KDM5A: variants seen among roughly 807,000 people sequenced by gnomAD.
KDM5A encodes the protein lysine-specific demethylase 5A.
In KDM5A, 42 loss-of-function variants were observed where a neutral mutation model predicts 193.5. The ratio of observed to expected loss-of-function variants is 0.22; its 90% CI spans 0.17 to 0.28. KDM5A has a LOEUF of 0.28. KDM5A is among the 10% of genes least tolerant of loss of function. The pLI, the probability that KDM5A is intolerant of heterozygous loss-of-function variation, is 1.00. For synonymous variants in KDM5A, 796 were observed against 718.1 expected, an observed-to-expected ratio of 1.11 and a Z score of -1.73; for missense variants, 1,692 against 2,055.1, an observed-to-expected ratio of 0.82 and a Z score of 3.42.
intron 5 of KDM5A, among the ~76,000 whole-genome samples, chr12:357,523 A>T (rs551210505): frequency 1.3e-5 from 2 of 151,786 alleles, no homozygotes; most frequent in Admixed American, 1.3e-4. Flanking sequence ...AGAGGAAAGC[A>T]TCTTAAAGAA....
chr12:343,466 C>A (rs957840511), intron 10 of KDM5A, among the ~76,000 whole-genome samples: 3 of 152,208 alleles, frequency 2.0e-5, no homozygotes, highest in African/African-American at 7.2e-5. Context: ...CGAGTAGGTC[C>A]CTGACCCTCA....
rs1943156399 is a variant in KDM5A at position 281,775 on chromosome 12, T to A, written c.*3681A>T. The A allele has an allele frequency of 4.3e-6, 1 of 234,006 alleles. No homozygotes were observed. The highest frequency in any genetic ancestry group is 8.4e-6 in the Non-Finnish European group (1 of 118,500). 14.5% of individuals were successfully genotyped at this position (234,006 alleles called of 1,614,324 possible). On this transcript the variant is annotated 3_prime_UTR_variant, in exon 28 of 28. Transcript: ENST00000399788. ...AAGACAGGTCTTCTCAGTTTTTCTGTTCATCCTCCTACTGTAAGTACTGGC... is the reference window on the plus strand; with the variant it reads ...AAGACAGGTCTTCTCAGTTTTTCTGATCATCCTCCTACTGTAAGTACTGGC...
intron 14 of KDM5A, among the ~76,000 whole-genome samples, chr12:326,666 C>T (rs1363308709): frequency 1.3e-5 from 2 of 152,020 alleles, no homozygotes; most frequent in East Asian, 3.8e-4. Context: ...TCGAGACCAT[C>T]CTGGCTAACA....
chr12:292,080 T>G (rs1436526419), intron 27 of KDM5A, among the ~76,000 whole-genome samples: 1 of 152,098 alleles, frequency 6.6e-6, no homozygotes, highest in Non-Finnish European at 1.5e-5. Context: ...TTTTTTGTAT[T>G]TTTAGTAGAG....
At chr12:337,128 C>T (rs1249322986) in intron 10 of KDM5A, among the ~76,000 whole-genome samples, 2 of 152,136 alleles carry the variant, frequency 1.3e-5, no homozygotes, top group African/African-American at 4.8e-5. Context: ...GGGCAACTCC[C>T]GCTTCTCTCT....
rs541136053 is a variant in KDM5A at position 284,600 on chromosome 12, T to G, written c.*856A>C. 2 of 232,948 alleles carry G rather than the reference T, an allele frequency of 8.6e-6. No individual in the cohort carries two copies. The highest frequency in any genetic ancestry group is 1.1e-4 in the Admixed American group (2 of 17,772). 14.4% of individuals were successfully genotyped at this position (232,948 alleles called of 1,614,324 possible). ...AAAAGCATGCATCACTGTGGCTCAGTAAGATAGTACGACTGGTCATCATCG... is the reference window on the plus strand; with the variant it reads ...AAAAGCATGCATCACTGTGGCTCAGGAAGATAGTACGACTGGTCATCATCG... On this transcript the variant is annotated 3_prime_UTR_variant, in exon 28 of 28. Transcript: ENST00000399788.
At chr12:373,523 A>G (rs1944459840) in intron 3 of KDM5A, among the ~76,000 whole-genome samples, 1 of 152,154 alleles carries the variant, frequency 6.6e-6, no homozygotes. Context: ...ATCTTTTCAA[A>G]AAACCAGCTC....
chr12:389,123 TG>T lies in KDM5A; in HGVS notation c.-33del. 2.0e-6 allele frequency: 3 copies of T among 1,489,810 alleles called. No individual in the cohort carries two copies. Among genetic ancestry groups the T allele is most frequent in the Non-Finnish European group, 2.7e-6 (3 of 1,109,924 alleles). 92.3% of individuals were successfully genotyped at this position (1,489,810 alleles called of 1,614,324 possible). A position where few individuals can be genotyped will look rare whatever the true frequency, so the allele number is the denominator to read the frequency against. On this transcript the variant is annotated 5_prime_UTR_variant, in exon 1 of 28. Transcript: ENST00000399788. ...GGCCGGGGGGGGGGGGGGGTCCCCGTGGGGAACCGGTGGAGAAAAGCTGGCT... is the reference window on the plus strand; with the variant it reads ...GGCCGGGGGGGGGGGGGGGTCCCCGTGGGAACCGGTGGAGAAAAGCTGGCT...
chr12:318,558 ACT>A, intron 18 of KDM5A, 97 bp from the exon 19 acceptor site: 1 of 837,034 alleles, frequency 1.2e-6, no homozygotes, highest in Admixed American at 1.9e-5. Flanking sequence ...TCAATTCTAG[ACT>A]CTTATAATCT....
intron 17 of KDM5A, 144 bp downstream of exon 17, chr12:322,273 A>C: frequency 1.4e-6 from 1 of 703,746 alleles, no homozygotes; most frequent in East Asian, 2.7e-5. Context: ...GTAGGAGATA[A>C]AACTGGAGCA....
intron 8 of KDM5A, 35 bp downstream of exon 8, chr12:354,041 A>G (rs1164592999): frequency 1.5e-5 from 24 of 1,549,038 alleles, no homozygotes; most frequent in Middle Eastern, 1.7e-4. Flanking sequence ...TATTATTTTT[A>G]GTTAAAAAAG....
rs200231185 is a variant in KDM5A, at chr12:388,975, G to A, written c.117C>T (p.Ile39=). 1,792 of 1,614,220 alleles carry A rather than the reference G, an allele frequency of 1.1e-3. 24 individuals carry two copies. Among genetic ancestry groups the A allele is most frequent in the South Asian group, 1.3e-4 (12 of 91,082 alleles). ...TGCCGGTTTTCTCCGCCAAAGGCCG[G>A]ATGCGGCCGATAAAGCTGAGCGGAT... ...FTDPLSFIGR[I]RPLAEKTGIC... is the part of the protein sequence containing the mutation. The change falls in exon 1 of 28, where the codon ATC becomes ATT. Residue 39 remains isoleucine (I), a synonymous_variant. Coordinates refer to ENST00000399788, the MANE Select transcript of KDM5A (RefSeq NM_001042603.3).
At chr12:325,896 C>A (rs1005027549) in intron 14 of KDM5A, among the ~76,000 whole-genome samples, 21 of 152,118 alleles carry the variant, frequency 1.4e-4, no homozygotes, top group African/African-American at 4.6e-4. Flanking sequence ...CGCCTGTAAT[C>A]CCAGCTACCC....
chr12:357,575 A>G (rs1944242148), intron 5 of KDM5A, among the ~76,000 whole-genome samples: 1 of 151,656 alleles, frequency 6.6e-6, no homozygotes, highest in South Asian at 2.1e-4. Flanking sequence ...CATGCCTGTA[A>G]TCCCAGCACT....
In KDM5A at chr12:295,657, T is replaced by C. The variant is rs775500407; in HGVS notation, c.4371A>G (p.Val1457=). The part of the protein sequence containing the change: ...ELMMVGDLLE[V]SLDETQHIWR... ...ATATGTGTTGAGTCTCGTCCAGAGATACTTCCAGGAGATCTCCAACCATCA... is the reference window on the plus strand; with the variant it reads ...ATATGTGTTGAGTCTCGTCCAGAGACACTTCCAGGAGATCTCCAACCATCA... Residue 1457 remains valine (V), a synonymous_variant, in exon 26 of 28, where the codon GTA becomes GTG. Transcript: ENST00000399788. 17 of 1,614,098 alleles carry C rather than the reference T, an allele frequency of 1.1e-5. No homozygotes were observed. In the East Asian group the frequency reaches 3.8e-4, roughly 36 times the overall value.
intron 13 of KDM5A, among the ~76,000 whole-genome samples, chr12:329,790 T>C (rs1480802073): frequency 6.6e-6 from 1 of 152,002 alleles, no homozygotes; most frequent in Non-Finnish European, 1.5e-5. Flanking sequence ...ATTACAACAA[T>C]AGCTATGCCC....
intron 10 of KDM5A, among the ~76,000 whole-genome samples, chr12:340,708 A>G (rs941416705): frequency 1.3e-5 from 2 of 151,456 alleles, no homozygotes; most frequent in Non-Finnish European, 2.9e-5. Context: ...AAAAAAAAAA[A>G]AAAAAAAAAA....
At chr12:290,743 T>A (rs889121244) in intron 27 of KDM5A, among the ~76,000 whole-genome samples, 1 of 152,190 alleles carries the variant, frequency 6.6e-6, no homozygotes, top group Middle Eastern at 3.4e-3. Context: ...TAAGTGTTTA[T>A]ATTGCTATAA....
chr12:313,139 GA>G lies in KDM5A; in HGVS notation c.2952del (p.Pro985GlnfsTer10). The G allele has an allele frequency of 1.2e-6, 2 of 1,614,108 alleles. No homozygotes were observed. The highest frequency in any genetic ancestry group is 1.7e-6 in the Non-Finnish European group (2 of 1,179,974). On this transcript the variant is annotated frameshift_variant, in exon 20 of 28. Coordinates refer to ENST00000399788, the MANE Select transcript of KDM5A (RefSeq NM_001042603.3). LOFTEE classifies it high-confidence loss of function. ...GACAACACATTGGGTAGAAAGGCTG[GA>G]ATGTTCTTGGCTTCATTCACAATGC... is the stretch of plus-strand genomic sequence containing the variant. ...LESIVNEAKN[I>X]PAFLPNVLSL... is the part of the protein sequence containing the mutation.
Sources: allele counts gnomAD v4.1 joint callset (sites outside exome capture counted in the v4.1 genomes callset), GRCh38; gene constraint gnomAD v4.1.1; transcripts MANE v1.5; gene names NCBI Gene and HGNC (gene_info 2026-07-23, HGNC 2026-07-21).